The following SLF2 variants were observed in gnomAD, a reference collection of about 807,000 sequenced individuals.
SLF2 encodes SMC5-SMC6 complex localization factor protein 2.
In SLF2, 68 loss-of-function variants were observed where a neutral mutation model predicts 124.3. The ratio of observed to expected loss-of-function variants is 0.55; its 90% confidence interval spans 0.45 to 0.67. SLF2 has a LOEUF of 0.67. Ranked by LOEUF, SLF2 falls within the 30% of genes least tolerant of loss-of-function variation. The pLI, the probability that SLF2 is intolerant of heterozygous loss-of-function variation, is 0.00. For synonymous variants in SLF2, 480 were observed against 478.8 expected (o/e 1.00, Z -0.03); for missense variants, 1,246 against 1,373.7 (o/e 0.91, Z 1.47).
intron 12 of SLF2, 75 bp from the exon 13 acceptor site, chr10:100,945,255 A>C: frequency 8.0e-7 from 1 of 1,243,012 alleles, no homozygotes; most frequent in South Asian, 1.6e-5. Context: ...TTTGTCAAAA[A>C]GAGTTTATAA....
At chr10:100,956,947 G>A (rs1200668898) in intron 18 of SLF2, among the ~76,000 whole-genome samples, 1 of 152,052 alleles carries the variant, frequency 6.6e-6, no homozygotes, top group Non-Finnish European at 1.5e-5. Flanking sequence ...AAACATGTAA[G>A]ATTAGAAATA....
At chr10:100,951,615 C>T (rs1564784200) in intron 17 of SLF2, among the ~76,000 whole-genome samples, 2 of 152,218 alleles carry the variant, frequency 1.3e-5, no homozygotes, top group Non-Finnish European at 2.9e-5. Context: ...CCATGTTGGC[C>T]ACTCCCAGAT....
chr10:100,960,998 CTTTTTTTTTT>C (rs59983480), intron 19 of SLF2, among the ~76,000 whole-genome samples: 13 of 61,406 alleles, frequency 2.1e-4, no homozygotes, highest in East Asian at 1.2e-3. Context: ...TTCTGTACTT[CTTTTTTTTTT>C]TTTTTTTTTT....
At chr10:100,960,995 CTTCTTTTTTT>C (rs1439121072) in intron 19 of SLF2, among the ~76,000 whole-genome samples, 1 of 54,450 alleles carries the variant, frequency 1.8e-5, no homozygotes, top group Non-Finnish European at 3.6e-5. Context: ...ATATTCTGTA[CTTCTTTTTTT>C]TTTTTTTTTT....
In SLF2 at chr10:100,924,286, G is replaced by T. The variant is rs1217413397; in HGVS notation, c.1285G>T (p.Ala429Ser). The stretch of plus-strand genomic sequence containing the variant: ...CAGGAATAGTGACCAAATCCAAGTG[G>T]CAGGTACCAAGGAGACTAAGATGCA... ...STRNSDQIQV[A>S]GTKETKMQKP... The change falls in exon 5 of 20, where the codon GCA becomes TCA. Residue 429 changes from alanine (A) to serine (S), a missense_variant. This residue lies in a region of SLF2 where 698 missense variants were observed against 708.9 expected (regional missense o/e 0.98). Coordinates refer to ENST00000238961, the MANE Select transcript of SLF2 (RefSeq NM_018121.4). 1.9e-6 allele frequency: 3 copies of T among 1,613,970 alleles called. No homozygotes were observed. The highest frequency in any genetic ancestry group is 2.5e-6 in the Non-Finnish European group (3 of 1,180,020).
intron 6 of SLF2, among the ~76,000 whole-genome samples, chr10:100,927,717 G>T (rs931271602): frequency 2.0e-5 from 3 of 152,030 alleles, no homozygotes; most frequent in African/African-American, 7.3e-5. Context: ...AATTAATAAG[G>T]GTTCCAGTTT....
chr10:100,956,652 TG>T (rs1387184584), intron 18 of SLF2, 115 bp downstream of exon 18: 6 of 705,812 alleles, frequency 8.5e-6, no homozygotes, highest in Non-Finnish European at 1.4e-5. Flanking sequence ...AGGCTAGGCA[TG>T]GTGGCTCATG....
chr10:100,960,995 C>CTACTTTTTTTTTTTTTTTTTTTTT lies in SLF2; in HGVS notation c.3487-881_3487-880insACTTTTTTTTTTTTTTTTTTTTTT, dbSNP rs1411407192. Among the ~76,000 whole-genome samples, 2 of 54,450 alleles carry CTACTTTTTTTTTTTTTTTTTTTTT rather than the reference C, an allele frequency of 3.7e-5. 1 individual carries two copies. Among genetic ancestry groups the CTACTTTTTTTTTTTTTTTTTTTTT allele is most frequent in the African/African-American group, 1.3e-4 (2 of 15,412 alleles). 35.7% of individuals were successfully genotyped at this position (54,450 alleles called of 152,430 possible). On this transcript the variant is annotated intron_variant, in intron 19 of 19. Coordinates refer to ENST00000238961, the MANE Select transcript of SLF2 (RefSeq NM_018121.4). ...GGAGTGAGAACTGAGATATTCTGTA[C>CTACTTTTTTTTTTTTTTTTTTTTT]TTCTTTTTTTTTTTTTTTTTTTTTT...
rs1182471178 is a variant in SLF2, at chr10:100,965,025, A to G, written c.*3113A>G. 1 of 143,960 alleles carries G rather than the reference A, an allele frequency of 6.9e-6. No individual in the cohort carries two copies. Among genetic ancestry groups the G allele is most frequent in the Non-Finnish European group, 1.5e-5 (1 of 65,586 alleles). The allele number at this position is 143,960 out of a possible 1,614,324, so 8.9% of individuals were successfully genotyped here. ...ACCAGCTCTTAGGAAGTAAATACAG[A>G]TTTTTTTCTTTCCTTTTTTTTTTTT... On this transcript the variant is annotated 3_prime_UTR_variant, in exon 20 of 20. Coordinates refer to ENST00000238961, the MANE Select transcript of SLF2 (RefSeq NM_018121.4). This position sits in a 1 kb window ranked among gnomAD's most constrained non-coding sequence, Gnocchi z 4.1.
chr10:100,961,812 T>G, intron 19 of SLF2, 65 bp from the exon 20 acceptor site: 5 of 1,384,688 alleles, frequency 3.6e-6, no homozygotes, highest in Non-Finnish European at 5.0e-6. Context: ...AGTAGTTTTA[T>G]AAGGATTAAT....
chr10:100,943,250 G>A (rs1044710936), intron 11 of SLF2, among the ~76,000 whole-genome samples: 1 of 152,086 alleles, frequency 6.6e-6, no homozygotes, highest in African/African-American at 2.4e-5. Flanking sequence ...CAGGAATTGG[G>A]GACAAAGATC....
At chr10:100,956,148 G>A (rs1850325779) in intron 17 of SLF2, among the ~76,000 whole-genome samples, 1 of 151,896 alleles carries the variant, frequency 6.6e-6, no homozygotes, top group African/African-American at 2.4e-5. Flanking sequence ...GTTAAAGGAA[G>A]GACTCTTTAA....
intron 18 of SLF2, among the ~76,000 whole-genome samples, chr10:100,958,946 G>C (rs2133834866): frequency 6.6e-6 from 1 of 152,274 alleles, no homozygotes; most frequent in Middle Eastern, 3.4e-3. Context: ...ATGGAGAGGA[G>C]TAACAGTGAA....
chr10:100,929,477 G>A, intron 7 of SLF2, 38 bp downstream of exon 7: 1 of 1,518,146 alleles, frequency 6.6e-7, no homozygotes, highest in Non-Finnish European at 8.8e-7. Flanking sequence ...CCTTATTAAA[G>A]TTTTTACATT....
At chr10:100,946,995 A>G (rs371792555) in intron 13 of SLF2, 44 bp from the exon 14 acceptor site, 4 of 1,461,920 alleles carry the variant, frequency 2.7e-6, no homozygotes, top group Non-Finnish European at 3.8e-6. Context: ...GTTTTATTCT[A>G]CTGTTCTGTT....
intron 11 of SLF2, 24 bp from the exon 12 acceptor site, chr10:100,944,002 A>G (rs548672895): frequency 2.0e-6 from 3 of 1,512,298 alleles, no homozygotes; most frequent in African/African-American, 1.4e-5. Context: ...CTAACTTCAC[A>G]TTGCTTTACT....
intron 17 of SLF2, among the ~76,000 whole-genome samples, chr10:100,954,647 A>G (rs889094845): frequency 2.0e-5 from 3 of 152,162 alleles, no homozygotes; most frequent in Admixed American, 2.0e-4. Context: ...TCTTGTTCCT[A>G]TAGAAAAAAA....
intron 17 of SLF2, among the ~76,000 whole-genome samples, chr10:100,952,047 C>G (rs1251371365): frequency 6.6e-6 from 1 of 152,046 alleles, no homozygotes; most frequent in East Asian, 1.9e-4. Context: ...AGTTCAAGAC[C>G]AGCCTGGCCA....
chr10:100,916,793 G>C lies in SLF2; in HGVS notation c.408G>C (p.Leu136=), dbSNP rs753313736. ...TACATGAGTCACGTCGGCCTTGTCT[G>C]TCACTAGCCTCCAAATATTTAGCCA... ...HGIHESRRPC[L]SLASKYLAKG... is the part of the protein sequence containing the mutation. The change falls in exon 3 of 20, where the codon CTG becomes CTC. Residue 136 remains leucine (L), a synonymous_variant. Transcript: ENST00000238961. 11 of 1,613,784 alleles carry C rather than the reference G, an allele frequency of 6.8e-6. No individual in the cohort carries two copies. In the Admixed American group the frequency reaches 1.7e-4, roughly 24 times the overall value.
Sources: allele counts gnomAD v4.1 joint callset (sites outside exome capture counted in the v4.1 genomes callset), GRCh38; gene constraint gnomAD v4.1.1; regional missense constraint gnomAD v4.1.1; non-coding constraint Gnocchi (gnomAD v3.1); transcripts MANE v1.5; gene names NCBI Gene and HGNC (gene_info 2026-07-23, HGNC 2026-07-21).